The following FBN2 variants were observed in gnomAD, a reference collection of about 807,000 sequenced individuals.
FBN2 encodes the protein fibrillin 2, also known as fibrillin-2.
A neutral mutation model predicts 355.6 loss-of-function variants in FBN2; 105 were observed. That is an observed-to-expected ratio of 0.30 (90% CI 0.25 to 0.35). The LOEUF (loss-of-function observed/expected upper bound fraction) is 0.35, where lower values mean the gene tolerates loss of function less well. FBN2 is among the 10% of genes least tolerant of loss of function. The pLI, the probability that FBN2 is intolerant of heterozygous loss-of-function variation, is 1.00. For missense variants in FBN2, 3,280 were observed against 3,758.7 expected, an observed-to-expected ratio of 0.87 and a Z score of 3.33; for synonymous variants, 1,350 against 1,301.2, an observed-to-expected ratio of 1.04 and a Z score of -0.81.
intron 15 of FBN2, among the ~76,000 whole-genome samples, chr5:128,374,101 G>A (rs897153077): frequency 6.6e-6 from 1 of 151,962 alleles, no homozygotes; most frequent in Non-Finnish European, 1.5e-5. Context: ...TATCAAGTAT[G>A]CTAGTTTAAA....
intron 7 of FBN2, among the ~76,000 whole-genome samples, chr5:128,428,224 G>A (rs1287931895): frequency 1.3e-5 from 2 of 152,018 alleles, no homozygotes; most frequent in African/African-American, 4.8e-5. Context: ...TTATTATCTT[G>A]TTACTACCCA....
chr5:128,369,118 G>C, intron 16 of FBN2, 64 bp downstream of exon 16: 3 of 1,518,108 alleles, frequency 2.0e-6, no homozygotes, highest in Non-Finnish European at 2.7e-6. Context: ...GTTCTCTTTG[G>C]CCAAACATCT....
chr5:128,277,069 T>C (rs1765413052), intron 58 of FBN2, among the ~76,000 whole-genome samples: 1 of 152,230 alleles, frequency 6.6e-6, no homozygotes, highest in Non-Finnish European at 1.5e-5. Flanking sequence ...TATTCTCTAT[T>C]ACTCATGCTC....
chr5:128,283,252 C>T (rs991814622), intron 55 of FBN2, among the ~76,000 whole-genome samples: 1 of 152,202 alleles, frequency 6.6e-6, no homozygotes, highest in African/African-American at 2.4e-5. Context: ...CTCTTATTCA[C>T]CTATTACCCC....
At chr5:128,381,057 A>C (rs1211304757) in intron 11 of FBN2, among the ~76,000 whole-genome samples, 1 of 152,126 alleles carries the variant, frequency 6.6e-6, no homozygotes, top group Non-Finnish European at 1.5e-5. Context: ...TTATATGCCA[A>C]CTTAGAAAAG....
Position 128,349,964 on chromosome 5 carries a change from T to A in FBN2, c.2854A>T (p.Thr952Ser). The change falls in exon 22 of 65, where the codon ACG (threonine) becomes TCG (serine). Residue 952 changes from threonine (T) to serine (S), a missense_variant. Physicochemically the swap from Thr to Ser is moderately conservative, Grantham distance 58. Transcript: ENST00000262464. ...GGAAGGATACACTCACCTTCACACG[T>A]AACACCTTTAATCCTGGCAAGCCCT... ...PRGLARIKGV[T>S]CEDVNECEVF... The A allele has an allele frequency of 6.2e-7, 1 of 1,613,544 alleles. No individual in the cohort carries two copies.
intron 5 of FBN2, among the ~76,000 whole-genome samples, chr5:128,513,492 G>A (rs1334012399): frequency 6.6e-6 from 1 of 152,216 alleles, no homozygotes; most frequent in East Asian, 1.9e-4. Flanking sequence ...AGGTTTCCCT[G>A]CCTGTAGGTA....
At chr5:128,403,774 A>ACAG (rs1752858664) in intron 8 of FBN2, among the ~76,000 whole-genome samples, 1 of 152,048 alleles carries the variant, frequency 6.6e-6, no homozygotes, top group African/African-American at 2.4e-5. Context: ...ATATATAAAA[A>ACAG]GATGATTAAA....
intron 39 of FBN2, among the ~76,000 whole-genome samples, chr5:128,310,364 A>ATG (rs1489006487): frequency 1.8e-4 from 7 of 38,824 alleles, no homozygotes; most frequent in Non-Finnish European, 2.4e-4. Context: ...TTTCCTTGGC[A>ATG]CATATATATA....
chr5:128,445,132 G>A (rs1399900814), intron 7 of FBN2, among the ~76,000 whole-genome samples: 1 of 152,144 alleles, frequency 6.6e-6, no homozygotes, highest in Non-Finnish European at 1.5e-5. Flanking sequence ...TTCCACTACA[G>A]GCTGACTTTG....
chr5:128,406,047 A>C (rs1752919267), intron 8 of FBN2, among the ~76,000 whole-genome samples: 1 of 152,180 alleles, frequency 6.6e-6, no homozygotes, highest in African/African-American at 2.4e-5. Flanking sequence ...GCATAAACAT[A>C]TTATTTTCCT....
In FBN2 at chr5:128,280,097, T is replaced by G. The variant is rs1430535684; in HGVS notation, c.7138+95A>C. ...GATTATTGAGATTGGGGGATTTGTT[T>G]AGCAGACAAGAATATATATGTGGAG... On this transcript the variant is annotated intron_variant, in intron 56 of 64. Coordinates refer to ENST00000262464, the MANE Select transcript of FBN2 (RefSeq NM_001999.4). The G allele has an allele frequency of 3.0e-6, 3 of 1,005,058 alleles. No homozygotes were observed. In the East Asian group the frequency reaches 7.2e-5, roughly 24 times the overall value. 62.3% of individuals were successfully genotyped at this position (1,005,058 alleles called of 1,614,324 possible). A position where few individuals can be genotyped will look rare whatever the true frequency, so the allele number is the denominator to read the frequency against.
chr5:128,500,158 T>TA (rs978880243), intron 5 of FBN2, among the ~76,000 whole-genome samples: 6 of 151,814 alleles, frequency 4.0e-5, no homozygotes, highest in African/African-American at 7.3e-5. Context: ...TTAAATGTGA[T>TA]AAAAAAAATT....
chr5:128,491,931 C>T (rs1755516137), intron 5 of FBN2, among the ~76,000 whole-genome samples: 1 of 152,082 alleles, frequency 6.6e-6, no homozygotes, highest in African/African-American at 2.4e-5. Flanking sequence ...AACAGCTTGA[C>T]CATTTTGTGA....
intron 4 of FBN2, 45 bp from the exon 5 acceptor site, chr5:128,519,413 A>C: frequency 7.0e-7 from 1 of 1,433,086 alleles, no homozygotes; most frequent in Non-Finnish European, 9.8e-7. Flanking sequence ...GCCAGTCTCC[A>C]AGCACAATAT....
chr5:128,301,826 T>C (rs2126834815), intron 46 of FBN2, among the ~76,000 whole-genome samples: 1 of 152,314 alleles, frequency 6.6e-6, no homozygotes, highest in South Asian at 2.1e-4. Context: ...AAAATATTTA[T>C]TTTCCCACAG....
chr5:128,324,492 T>C (rs1750487134), intron 34 of FBN2, among the ~76,000 whole-genome samples: 1 of 152,246 alleles, frequency 6.6e-6, no homozygotes, highest in Admixed American at 6.5e-5. Context: ...TGTGACTTTG[T>C]TCTCATTGGT....
intron 15 of FBN2, 39 bp downstream of exon 15, chr5:128,374,589 A>G (rs755690017): frequency 6.2e-7 from 1 of 1,613,466 alleles, no homozygotes. Flanking sequence ...TTCAAAGATC[A>G]TTTTGCACAG....
At chr5:128,531,793 A>T (rs1375898844) in intron 2 of FBN2, among the ~76,000 whole-genome samples, 1 of 151,678 alleles carries the variant, frequency 6.6e-6, no homozygotes, top group Admixed American at 6.6e-5. Flanking sequence ...TTCACCAAAC[A>T]GTACAATGGA....
Sources: allele counts gnomAD v4.1 joint callset (sites outside exome capture counted in the v4.1 genomes callset), GRCh38; gene constraint gnomAD v4.1.1; transcripts MANE v1.5; gene names NCBI Gene and HGNC (gene_info 2026-07-23, HGNC 2026-07-21).